Variants in EEF1AKMT2 observed in about 807,000 individuals in gnomAD.
The protein encoded by EEF1AKMT2 is EEF1A lysine methyltransferase 2.
In EEF1AKMT2, 32 loss-of-function variants were observed where a neutral mutation model predicts 35.8. The observed-to-expected ratio is 0.89, with a 90% CI of 0.67 to 1.20. The LOEUF is 1.20. Among genes scored for constraint, EEF1AKMT2 ranks in the 50% most tolerant of loss-of-function variants. EEF1AKMT2 has a pLI of 0.00. For synonymous variants in EEF1AKMT2, 121 were observed against 133.7 expected, an observed-to-expected ratio of 0.91 and a Z score of 0.65; for missense variants, 330 against 347.5, an observed-to-expected ratio of 0.95 and a Z score of 0.40.
intron 6 of EEF1AKMT2, 123 bp downstream of exon 6, chr10:124,762,177 C>T: frequency 1.4e-6 from 1 of 740,240 alleles, no homozygotes; most frequent in Non-Finnish European, 1.7e-6. Context: ...CACCCCACGC[C>T]ATCAAATTCA....
chr10:124,761,749 C>T (rs920973168), intron 6 of EEF1AKMT2, among the ~76,000 whole-genome samples: 4 of 152,120 alleles, frequency 2.6e-5, no homozygotes, highest in African/African-American at 9.7e-5. Flanking sequence ...CATGGCGAAA[C>T]CCCATCTCTA....
At position 124,757,852 on chromosome 10, in the gene EEF1AKMT2, A is replaced by G. The variant is rs1273951388; in HGVS notation, c.*2651T>C. The G allele has an allele frequency of 6.6e-6, 1 of 152,170 alleles. No homozygotes were observed. The highest frequency in any genetic ancestry group is 1.5e-5 in the Non-Finnish European group (1 of 67,992). 9.4% of individuals were successfully genotyped at this position (152,170 alleles called of 1,614,324 possible). A position where few individuals can be genotyped will look rare whatever the true frequency, so the allele number is the denominator to read the frequency against. On this transcript the variant is annotated 3_prime_UTR_variant, in exon 7 of 7. Transcript: ENST00000368836. The stretch of plus-strand genomic sequence containing the variant: ...TTTGTACTTATTTTTAAATGGCTTT[A>G]GTCAGGCTGCCAAGAGTGATATCAG...
At chr10:124,762,163 G>T in intron 6 of EEF1AKMT2, 137 bp downstream of exon 6, 1 of 595,224 alleles carries the variant, frequency 1.7e-6, no homozygotes, top group Non-Finnish European at 2.3e-6. Flanking sequence ...TAACGCCAAT[G>T]CGCCACCCCA....
intron 6 of EEF1AKMT2, 42 bp from the exon 7 acceptor site, chr10:124,760,545 T>C (rs1950322002): frequency 1.3e-6 from 2 of 1,503,998 alleles, no homozygotes; most frequent in Non-Finnish European, 1.9e-6. Flanking sequence ...GAATTGAGTC[T>C]CATACTTACA....
At chr10:124,774,807 T>A in intron 3 of EEF1AKMT2, 25 bp from the exon 4 acceptor site, 15 of 1,086,930 alleles carry the variant, frequency 1.4e-5, no homozygotes, top group Non-Finnish European at 1.8e-5. Context: ...TTTTATACTT[T>A]AGTATAAAAT....
rs375199533 is a variant in EEF1AKMT2 at position 124,760,476 on chromosome 10, G to A, written c.*27C>T. ...TCTGCCTCCAAAGCTGAACTTGGGT[G>A]TTGGTAGCTCTTCGAGAAGTTCAAA... On this transcript the variant is annotated 3_prime_UTR_variant, in exon 7 of 7. Coordinates refer to ENST00000368836, the MANE Select transcript of EEF1AKMT2 (RefSeq NM_212554.4). 4.3e-6 allele frequency: 7 copies of A among 1,613,666 alleles called. No homozygotes were observed. The highest frequency in any genetic ancestry group is 5.9e-6 in the Non-Finnish European group (7 of 1,179,750).
chr10:124,781,634 A>AC (rs397766024), intron 3 of EEF1AKMT2, among the ~76,000 whole-genome samples: 5 of 150,726 alleles, frequency 3.3e-5, no homozygotes, highest in African/African-American at 1.2e-4. Flanking sequence ...AAAAAAAAAA[A>AC]CACTCCTTAG....
intron 3 of EEF1AKMT2, among the ~76,000 whole-genome samples, chr10:124,785,027 T>C (rs1950572769): frequency 6.7e-6 from 1 of 149,216 alleles, no homozygotes; most frequent in African/African-American, 2.5e-5. Flanking sequence ...GGGGGGAAAA[T>C]CACGAGATCA....
At chr10:124,779,127 C>G (rs1950514130) in intron 3 of EEF1AKMT2, among the ~76,000 whole-genome samples, 1 of 151,926 alleles carries the variant, frequency 6.6e-6, no homozygotes. Flanking sequence ...CCAGGGTCAG[C>G]AATCTTTTTC....
At chr10:124,760,820 C>T (rs2134118015) in intron 6 of EEF1AKMT2, among the ~76,000 whole-genome samples, 1 of 152,318 alleles carries the variant, frequency 6.6e-6, no homozygotes. Context: ...CTCTGTTAGC[C>T]TCTATCACCT....
intron 4 of EEF1AKMT2, among the ~76,000 whole-genome samples, chr10:124,769,233 AAT>A (rs1554917157): frequency 7.5e-5 from 1 of 13,320 alleles, no homozygotes; most frequent in African/African-American, 8.5e-5. Flanking sequence ...AAAAAAAAAA[AAT>A]ATATATATAT....
Position 124,774,734 on chromosome 10 carries a change from CAGA to C in EEF1AKMT2, c.337_339del (p.Ser113del), listed in dbSNP as rs760547082. On this transcript the variant is annotated inframe_deletion, in exon 4 of 7. Transcript: ENST00000368836. The stretch of plus-strand genomic sequence containing the variant: ...ATAATACTTCCAGAAAGCTGAATTG[CAGA>C]AGGAGAGTAATCAATTCCAGTAATA... 88 of 1,483,620 alleles carry C rather than the reference CAGA, an allele frequency of 5.9e-5. No individual in the cohort carries two copies. The highest frequency in any genetic ancestry group is 3.7e-4 in the Middle Eastern group (2 of 5,400). The allele number at this position is 1,483,620 out of a possible 1,614,324, so 91.9% of individuals were successfully genotyped here.
chr10:124,769,605 A>G (rs1366701265), intron 4 of EEF1AKMT2, among the ~76,000 whole-genome samples: 3 of 152,166 alleles, frequency 2.0e-5, no homozygotes, highest in Non-Finnish European at 4.4e-5. Flanking sequence ...TTATGTTTAC[A>G]CTGTATTACA....
chr10:124,765,438 C>T lies in EEF1AKMT2; in HGVS notation c.570G>A (p.Thr190=), dbSNP rs79266966. ...ACTCTTCCTTGGTCCAATTACATGACGTTATTAGAAAAAAGCCTTTTACTT... is the reference window on the plus strand; with the variant it reads ...ACTCTTCCTTGGTCCAATTACATGATGTTATTAGAAAAAAGCCTTTTACTT... ...VLKVKGFFLI[T]SCNWTKEELL... Residue 190 remains threonine (T), a synonymous_variant, in exon 5 of 7, where the codon ACG becomes ACA. Coordinates refer to ENST00000368836, the MANE Select transcript of EEF1AKMT2 (RefSeq NM_212554.4). 1,323 of 1,613,914 alleles carry T rather than the reference C, an allele frequency of 8.2e-4. 18 individuals carry two copies. The African/African-American group carries it at 0.016, about 20-fold the overall frequency.
chr10:124,767,892 A>T (rs548609585), intron 4 of EEF1AKMT2, among the ~76,000 whole-genome samples: 2 of 152,370 alleles, frequency 1.3e-5, no homozygotes, highest in African/African-American at 2.4e-5. Flanking sequence ...AGGCTGAGGC[A>T]GGAGAATCGT....
intron 2 of EEF1AKMT2, 63 bp downstream of exon 2, chr10:124,790,210 T>G: frequency 7.6e-7 from 1 of 1,317,236 alleles, no homozygotes; most frequent in Non-Finnish European, 1.1e-6. Flanking sequence ...ACGTATTTTT[T>G]TAAACACACA....
intron 4 of EEF1AKMT2, among the ~76,000 whole-genome samples, chr10:124,774,230 G>A (rs1950465769): frequency 6.6e-6 from 1 of 151,646 alleles, no homozygotes; most frequent in South Asian, 2.1e-4. Context: ...AGCTGGGCGT[G>A]GCTGCAGGCG....
At chr10:124,785,739 C>CA (rs1950578555) in intron 3 of EEF1AKMT2, among the ~76,000 whole-genome samples, 3 of 151,198 alleles carry the variant, frequency 2.0e-5, no homozygotes, top group Admixed American at 2.0e-4. Context: ...ACTAAAAATA[C>CA]AAAAAAATTA....
chr10:124,757,202 G>A (rs1257900283), downstream of EEF1AKMT2, among the ~76,000 whole-genome samples: 3 of 103,034 alleles, frequency 2.9e-5, no homozygotes, highest in Admixed American at 9.9e-5. Context: ...ACACACACAC[G>A]ACATTAGCTA....
Sources: allele counts gnomAD v4.1 joint callset (sites outside exome capture counted in the v4.1 genomes callset), GRCh38; gene constraint gnomAD v4.1.1; transcripts MANE v1.5; gene names NCBI Gene and HGNC (gene_info 2026-07-23, HGNC 2026-07-21).